Variants in CCDC192 observed in about 807,000 individuals in gnomAD.
CCDC192 encodes coiled-coil domain-containing protein 192.
chr5:127,875,831 C>T (rs569363117), intron 6 of CCDC192, among the ~76,000 whole-genome samples, 170 bp downstream of exon 6: 1 of 152,168 alleles, frequency 6.6e-6, no homozygotes, highest in East Asian at 1.9e-4. Context: ...TCACTTTCAC[C>T]TTGAGAGGGG....
At chr5:127,714,384 T>C (rs535542536) in intron 2 of CCDC192, among the ~76,000 whole-genome samples, 13 of 152,148 alleles carry the variant, frequency 8.5e-5, no homozygotes, top group South Asian at 8.3e-4. Context: ...GATCATAGGG[T>C]AGTTTATTTA....
chr5:127,788,658 C>G (rs766770725), intron 3 of CCDC192, among the ~76,000 whole-genome samples: 116 of 152,120 alleles, frequency 7.6e-4, no homozygotes, highest in African/African-American at 2.7e-3. Context: ...CATTTTGATT[C>G]TGTATCTTTT....
At chr5:127,810,791 C>G (rs556677909) in intron 5 of CCDC192, among the ~76,000 whole-genome samples, 1 of 152,238 alleles carries the variant, frequency 6.6e-6, no homozygotes, top group Admixed American at 6.5e-5. Context: ...GACTCAGGCT[C>G]CATGTGTCAT....
In CCDC192 at chr5:127,843,626, C is replaced by T. The variant is rs186315772; in HGVS notation, c.412-31912C>T. Among the ~76,000 whole-genome samples, 7 of 152,018 alleles carry T rather than the reference C, an allele frequency of 4.6e-5. No individual in the cohort carries two copies. In the East Asian group the frequency reaches 7.8e-4, roughly 17 times the overall value. ...CTAACTTTTGTATTTTTAGTAAAGA[C>T]GGGATTTCCTCATATTGGCCGGGCT... On this transcript the variant is annotated intron_variant, in intron 5 of 6. Coordinates refer to ENST00000514853, the MANE Select transcript of CCDC192 (RefSeq NM_001317938.2).
At chr5:127,818,515 A>G (rs978196196) in intron 5 of CCDC192, among the ~76,000 whole-genome samples, 2 of 152,176 alleles carry the variant, frequency 1.3e-5, no homozygotes, top group African/African-American at 4.8e-5. Context: ...AATTACTGCT[A>G]TCAAGAAGAG....
chr5:127,912,419 C>CAAAAAAAAAAAAAAAAAAAAAAAAAA, intron 6 of CCDC192, among the ~76,000 whole-genome samples: 1 of 81,452 alleles, frequency 1.2e-5, no homozygotes, highest in Non-Finnish European at 2.2e-5. Flanking sequence ...CTGGGTTTAG[C>CAAAAAAAAAAAAAAAAAAAAAAAAAA]AAAAAAAAAA....
intron 6 of CCDC192, among the ~76,000 whole-genome samples, chr5:127,885,260 T>G (rs771008765): frequency 3.3e-5 from 5 of 152,216 alleles, no homozygotes; most frequent in Non-Finnish European, 7.3e-5. Context: ...ACTGCTCTGA[T>G]TACCTGAAGG....
At chr5:127,798,839 G>T (rs547475161) in intron 5 of CCDC192, among the ~76,000 whole-genome samples, 2 of 151,752 alleles carry the variant, frequency 1.3e-5, no homozygotes, top group South Asian at 2.1e-4. Context: ...GCAAGTACTC[G>T]CCTGAGAGAG....
intron 6 of CCDC192, among the ~76,000 whole-genome samples, chr5:127,880,574 C>T (rs1235336885): frequency 6.7e-6 from 1 of 150,122 alleles, no homozygotes; most frequent in Non-Finnish European, 1.5e-5. Context: ...GCACAATGTG[C>T]ACATGTACCC....
chr5:127,883,304 T>C (rs563059006), intron 6 of CCDC192, among the ~76,000 whole-genome samples: 72 of 152,194 alleles, frequency 4.7e-4, no homozygotes, highest in Non-Finnish European at 9.1e-4. Context: ...ACAGAAGCTA[T>C]ACCAAGATGG....
chr5:127,914,248 A>T (rs1222000159), intron 6 of CCDC192, among the ~76,000 whole-genome samples: 1 of 152,192 alleles, frequency 6.6e-6, no homozygotes, highest in East Asian at 1.9e-4. Context: ...CTTGCCTTGC[A>T]GAGCTACATA....
At chr5:127,780,172 C>T (rs1297921688) in intron 3 of CCDC192, among the ~76,000 whole-genome samples, 18 of 150,828 alleles carry the variant, frequency 1.2e-4, no homozygotes, top group African/African-American at 4.9e-5. Context: ...TACGCACACA[C>T]ATATATATAT....
intron 6 of CCDC192, among the ~76,000 whole-genome samples, chr5:127,902,692 A>G (rs1753072215): frequency 6.6e-6 from 1 of 152,236 alleles, no homozygotes; most frequent in Admixed American, 6.5e-5. Context: ...GCTGCCTGCC[A>G]TAGCTACAGA....
rs372721033 is a variant in CCDC192 at position 127,936,207 on chromosome 5, C to T, written c.536-4975C>T. On this transcript the variant is annotated intron_variant, in intron 6 of 6. Coordinates refer to ENST00000514853, the MANE Select transcript of CCDC192 (RefSeq NM_001317938.2). ...TAGATCACCCCAAAAATGTAGTCAA[C>T]GCTCAGTCTTTTAAGGTACTCCTTC... 1.1e-4 allele frequency among the ~76,000 whole-genome samples: 17 copies of T among 152,316 alleles called. No individual in the cohort carries two copies. The East Asian group carries it at 1.7e-3, about 16-fold the overall frequency.
chr5:127,787,449 A>T (rs1014492358), intron 3 of CCDC192, among the ~76,000 whole-genome samples: 4 of 152,148 alleles, frequency 2.6e-5, no homozygotes. Context: ...ATTTGTTTCT[A>T]AATATTTTTT....
chr5:127,805,973 G>T (rs953800522), intron 5 of CCDC192, among the ~76,000 whole-genome samples: 3 of 152,092 alleles, frequency 2.0e-5, no homozygotes, highest in African/African-American at 7.2e-5. Flanking sequence ...GAAGAGGAGG[G>T]GTTCTGAGCT....
At chr5:127,841,085 C>T (rs1377225583) in intron 5 of CCDC192, among the ~76,000 whole-genome samples, 2 of 152,074 alleles carry the variant, frequency 1.3e-5, no homozygotes, top group Non-Finnish European at 2.9e-5. Context: ...CTTTACAGTG[C>T]CAGGAACAAC....
At chr5:127,705,959 G>C (rs950638955) in intron 1 of CCDC192, among the ~76,000 whole-genome samples, 3 of 152,152 alleles carry the variant, frequency 2.0e-5, no homozygotes, top group African/African-American at 7.2e-5. Flanking sequence ...TTGTCAAGTA[G>C]AAAGTACCAA....
Position 127,847,272 on chromosome 5 carries a change from A to G in CCDC192, c.412-28266A>G, listed in dbSNP as rs151139698. ...AATATCCTTGCCTCCTAGCCATCTG[A>G]TAAAATCAAAATTATTTTTCACATT... On this transcript the variant is annotated intron_variant, in intron 5 of 6. Coordinates refer to ENST00000514853, the MANE Select transcript of CCDC192 (RefSeq NM_001317938.2). 2.2e-3 allele frequency among the ~76,000 whole-genome samples: 340 copies of G among 152,308 alleles called. 1 individual carries two copies. The highest frequency in any genetic ancestry group is 5.4e-3 in the Admixed American group (83 of 15,302).
Sources: allele counts gnomAD v4.1 joint callset (sites outside exome capture counted in the v4.1 genomes callset), GRCh38; gene constraint gnomAD v4.1.1; transcripts MANE v1.5; gene names NCBI Gene and HGNC (gene_info 2026-07-23, HGNC 2026-07-21).